Variants in FHL1 observed in about 807,000 individuals in gnomAD.
FHL1 encodes the protein four and a half LIM domains protein 1.
In FHL1, 1 loss-of-function variant was observed where a neutral mutation model predicts 20.3. That is an observed-to-expected ratio of 0.05 (90% CI 0.02 to 0.23). The LOEUF is 0.23. Among genes scored for constraint, FHL1 ranks in the 10% least tolerant of loss-of-function variants. The pLI, the probability that FHL1 is intolerant of heterozygous loss-of-function variation, is 1.00. For missense variants in FHL1, 177 were observed against 234.0 expected (o/e 0.76, Z 1.59); for synonymous variants, 82 against 88.9 (o/e 0.92, Z 0.44).
chrX:136,196,994 G>A (rs2073572417), upstream of FHL1: 1 of 1,041,066 alleles, frequency 9.6e-7, no homozygotes. Context: ...TCTGCTCTCG[G>A]TTATTTTTGT....
intron 1 of FHL1, among the ~76,000 whole-genome samples, chrX:136,149,057 C>A (rs1268467814): frequency 8.9e-6 from 1 of 112,467 alleles, no homozygotes; most frequent in African/African-American, 3.2e-5. Flanking sequence ...TAATTCTTCT[C>A]TGGGTTATCA....
intron 2 of FHL1, among the ~76,000 whole-genome samples, chrX:136,180,522 T>C (rs963631034): frequency 5.4e-5 from 6 of 111,991 alleles, no homozygotes; most frequent in African/African-American, 1.9e-4. Flanking sequence ...GTGCAAATAG[T>C]CCTTCCAGTC....
upstream of FHL1, among the ~76,000 whole-genome samples, chrX:136,169,122 G>C (rs2072788695): frequency 8.9e-6 from 1 of 111,749 alleles, no homozygotes; most frequent in Non-Finnish European, 1.9e-5. Context: ...GGATAATACA[G>C]TGATCACACT....
chrX:136,179,214 A>G (rs1244048454), intron 2 of FHL1, among the ~76,000 whole-genome samples: 1 of 112,099 alleles, frequency 8.9e-6, no homozygotes, highest in Admixed American at 9.5e-5. Flanking sequence ...ATAGGGATTT[A>G]TAATCCAGAG....
intron 2 of FHL1, among the ~76,000 whole-genome samples, chrX:136,171,581 T>C (rs1287176506): frequency 1.8e-5 from 2 of 112,824 alleles, no homozygotes; most frequent in Non-Finnish European, 3.7e-5. Flanking sequence ...ACTATGCATA[T>C]GCATTGTTTG....
At chrX:136,152,239 A>C (rs749625689) in intron 1 of FHL1, among the ~76,000 whole-genome samples, 2 of 112,133 alleles carry the variant, frequency 1.8e-5, no homozygotes, top group African/African-American at 3.2e-5. Context: ...TGCAGTTATG[A>C]TGCACATTTT....
At chrX:136,194,906 T>C (rs1245832958), upstream of FHL1, among the ~76,000 whole-genome samples, 1 of 111,106 alleles carries the variant, frequency 9.0e-6, no homozygotes, top group Admixed American at 9.6e-5. Context: ...TCAGAGCAGG[T>C]AGTGGTCATG....
intron 2 of FHL1, among the ~76,000 whole-genome samples, chrX:136,184,806 C>T (rs990334788): frequency 1.8e-5 from 2 of 111,806 alleles, no homozygotes; most frequent in Admixed American, 9.5e-5. Context: ...TCTTTAATGA[C>T]CATATTATGT....
chrX:136,208,780 C>A, intron 5 of FHL1, 139 bp downstream of exon 5: 1 of 625,822 alleles, frequency 1.6e-6, no homozygotes, highest in South Asian at 2.3e-5. Flanking sequence ...GTCCCAAAGG[C>A]CCCCCAAGAG....
intron 2 of FHL1, among the ~76,000 whole-genome samples, chrX:136,176,506 A>T (rs1158547699): frequency 9.0e-6 from 1 of 111,295 alleles, no homozygotes; most frequent in Non-Finnish European, 1.9e-5. Flanking sequence ...CTGGAGCTTC[A>T]TGTTGCAATA....
chrX:136,199,887 A>G (rs762162704), intron 1 of FHL1, among the ~76,000 whole-genome samples: 2 of 112,481 alleles, frequency 1.8e-5, no homozygotes, highest in Non-Finnish European at 3.8e-5. Context: ...TACATGAGAA[A>G]ATACATGTAA....
chrX:136,173,483 T>C (rs891254219), intron 2 of FHL1, among the ~76,000 whole-genome samples: 1 of 112,236 alleles, frequency 8.9e-6, no homozygotes, highest in Non-Finnish European at 1.9e-5. Flanking sequence ...ACCATCACTT[T>C]AGAGCCAAGG....
chrX:136,166,846 G>GT (rs1283291118), upstream of FHL1, among the ~76,000 whole-genome samples: 3 of 112,667 alleles, frequency 2.7e-5, no homozygotes, highest in Admixed American at 9.4e-5. Context: ...AATAATAGTA[G>GT]TAAGTATGTA....
chrX:136,206,182 A>G (rs908073440), intron 1 of FHL1: 1 of 457,278 alleles, frequency 2.2e-6, no homozygotes, highest in East Asian at 3.7e-5. Context: ...GGGAATCACT[A>G]GCCATCGGCC....
upstream of FHL1, among the ~76,000 whole-genome samples, chrX:136,168,709 A>G (rs1174864988): frequency 9.0e-6 from 1 of 111,626 alleles, no homozygotes; most frequent in Non-Finnish European, 1.9e-5. Context: ...CTTCCTGACA[A>G]CGATCCTGAC....
At chrX:136,195,459 C>T (rs1569529714), upstream of FHL1, among the ~76,000 whole-genome samples, 1 of 112,409 alleles carries the variant, frequency 8.9e-6, no homozygotes, top group African/African-American at 3.2e-5. Flanking sequence ...CTAATCTCCG[C>T]ACCATAATTT....
chrX:136,196,777 A>T (rs1194165527), upstream of FHL1: 20 of 1,159,605 alleles, frequency 1.7e-5, no homozygotes, highest in Non-Finnish European at 2.1e-5. Context: ...GCCAGAGCCG[A>T]GTCCAAATTT....
At chrX:136,171,778 A>C (rs769150427) in intron 2 of FHL1, among the ~76,000 whole-genome samples, 3 of 112,393 alleles carry the variant, frequency 2.7e-5, no homozygotes, top group African/African-American at 3.2e-5. Flanking sequence ...ATTGACCAAA[A>C]CTTGGTATCC....
At chrX:136,206,877 G>T (rs2073854839) in intron 2 of FHL1, 139 bp from the exon 3 acceptor site, 1 of 672,261 alleles carries the variant, frequency 1.5e-6, no homozygotes. Flanking sequence ...TATAAGAATA[G>T]TCACTGTGGG....
Sources: gnomAD v4.1 joint callset for allele counts (sites outside exome capture counted in the v4.1 genomes callset) on GRCh38, gnomAD v4.1.1 for gene constraint, MANE v1.5 for transcripts, NCBI Gene and HGNC (gene_info 2026-07-23, HGNC 2026-07-21) for gene names.